Variants in EPS8L2 observed in about 807,000 individuals in gnomAD.
EPS8L2 encodes the protein epidermal growth factor receptor kinase substrate 8-like protein 2.
In EPS8L2, 81 loss-of-function variants were observed where a neutral mutation model predicts 99.4. The ratio of observed to expected loss-of-function variants is 0.82; its 90% CI spans 0.68 to 0.98. The LOEUF (loss-of-function observed/expected upper bound fraction) is 0.98, where lower values mean the gene tolerates loss of function less well. EPS8L2 is among the 50% of genes least tolerant of loss of function. The probability of loss-of-function intolerance (pLI) is 0.00; values close to 1 mark genes in which losing one functional copy is unlikely to be tolerated. For missense variants in EPS8L2, 1,155 were observed against 968.8 expected (o/e 1.19, Z -2.55); for synonymous variants, 509 against 407.3 (o/e 1.25, Z -3.01).
chr11:721,079 G>T lies in EPS8L2; in HGVS notation c.573G>T (p.Lys191Asn). The change falls in exon 8 of 21, where the codon AAG becomes AAT. Residue 191 changes from lysine to asparagine, a missense_variant. Lys to Asn is a moderately conservative substitution (Grantham distance 94, BLOSUM62 0). Transcript: ENST00000318562. ...CGCCCTCCAGGGGACACCAGGAGAA[G>T]ATTCGGCAGCGGCAGTCCATCCTGC... ...RPQTLKGHQEKIRQRQSILPP... is the reference protein window; with the variant it reads ...RPQTLKGHQENIRQRQSILPP... The T allele has an allele frequency of 1.3e-6, 2 of 1,504,878 alleles. No individual in the cohort carries two copies. The highest frequency in any genetic ancestry group is 1.8e-6 in the Non-Finnish European group (2 of 1,127,904). The allele number at this position is 1,504,878 out of a possible 1,614,324, so 93.2% of individuals were successfully genotyped here. A position where few individuals can be genotyped will look rare whatever the true frequency, so the allele number is the denominator to read the frequency against.
rs369545783 is a variant in EPS8L2 at position 721,907 on chromosome 11, C to T, written c.900C>T (p.Gly300=). 43 of 1,586,342 alleles carry T rather than the reference C, an allele frequency of 2.7e-5. No individual in the cohort carries two copies. The highest frequency in any genetic ancestry group is 3.5e-5 in the Non-Finnish European group (41 of 1,167,040). ...KKKGKKAPAE[G]VLTLRARPPS... The stretch of plus-strand genomic sequence containing the variant: ...ACGCGGTGCCTCCCATGCCAGAGGG[C>T]GTCCTCACACTGCGGGCACGGCCCC... Residue 300 remains glycine, a synonymous_variant, in exon 11 of 21, where the codon GGC becomes GGT. Transcript: ENST00000318562.
rs1340734336 is a variant in EPS8L2 at position 724,769 on chromosome 11, G to A, written c.1500G>A (p.Leu500=). 1.9e-6 allele frequency: 3 copies of A among 1,613,528 alleles called. No homozygotes were observed. Among genetic ancestry groups the A allele is most frequent in the African/African-American group, 2.7e-5 (2 of 74,940 alleles). The change falls in exon 16 of 21, where the codon CTG becomes CTA. Residue 500 remains leucine, a synonymous_variant. Coordinates refer to ENST00000318562, the MANE Select transcript of EPS8L2 (RefSeq NM_022772.4). This position sits in a 1 kb window ranked among gnomAD's most constrained non-coding sequence, Gnocchi z 5.5. The stretch of plus-strand genomic sequence containing the variant: ...CCATGGCCAAGTACGTCAAGATCCT[G>A]TATGACTTCACAGCCCGAAATGCCA... ...TPAMAKYVKI[L]YDFTARNANE...
chr11:713,866 C>T (rs1861949573), intron 4 of EPS8L2, among the ~76,000 whole-genome samples: 1 of 151,590 alleles, frequency 6.6e-6, no homozygotes, highest in Non-Finnish European at 1.5e-5. Flanking sequence ...ATTTTTAGTA[C>T]AGATGGGGTT....
chr11:717,697 A>G (rs1279970764), intron 4 of EPS8L2, among the ~76,000 whole-genome samples: 2 of 151,928 alleles, frequency 1.3e-5, no homozygotes, highest in Admixed American at 6.6e-5. Flanking sequence ...TGGGCAACAT[A>G]GCAAGCCCTT....
chr11:724,695 TG>T lies in EPS8L2; in HGVS notation c.1455-26del. 6.5e-7 allele frequency: 1 copy of T among 1,545,604 alleles called. No individual in the cohort carries two copies. Among genetic ancestry groups the T allele is most frequent in the Non-Finnish European group, 8.9e-7 (1 of 1,118,902 alleles). ...GTCTCAGAGGAGACCCCCACCAGAC[TG>T]GGCCTCAGCCCCTCCTGTTCCTCAC... is the stretch of plus-strand genomic sequence containing the variant. On this transcript the variant is annotated intron_variant, in intron 15 of 20. Coordinates refer to ENST00000318562, the MANE Select transcript of EPS8L2 (RefSeq NM_022772.4). This position sits in a 1 kb window ranked among gnomAD's most constrained non-coding sequence, Gnocchi z 5.5.
intron 4 of EPS8L2, among the ~76,000 whole-genome samples, chr11:714,086 T>C (rs1861955684): frequency 6.6e-6 from 1 of 152,202 alleles, no homozygotes; most frequent in Non-Finnish European, 1.5e-5. Context: ...CATTCGTATG[T>C]GTTTTTCTTT....
At chr11:722,027 G>C (rs757601633) in intron 11 of EPS8L2, 36 bp downstream of exon 11, 3 of 1,607,002 alleles carry the variant, frequency 1.9e-6, no homozygotes, top group Non-Finnish European at 1.7e-6. Flanking sequence ...CCCACTGTCT[G>C]TGCTGAGGGG....
intron 15 of EPS8L2, among the ~76,000 whole-genome samples, chr11:723,891 C>G (rs552044502): frequency 6.6e-6 from 1 of 152,320 alleles, no homozygotes. Context: ...TGGGAAGCCC[C>G]TGACCCTCCC....
rs1003802107 is a variant in EPS8L2, at chr11:720,346, C to T, written c.327+123C>T. 6 of 1,192,836 alleles carry T rather than the reference C, an allele frequency of 5.0e-6. No homozygotes were observed. The Admixed American group carries it at 1.0e-4, about 20-fold the overall frequency. The allele number at this position is 1,192,836 out of a possible 1,614,324, so 73.9% of individuals were successfully genotyped here. On this transcript the variant is annotated intron_variant, in intron 5 of 20. Transcript: ENST00000318562. ...GCCGGCCATGCCCTATCATTCTGGT[C>T]CCTGGAAGAGGATGGGACAAGGGTG...
At chr11:713,541 C>G (rs141569066) in intron 4 of EPS8L2, among the ~76,000 whole-genome samples, 38 of 152,246 alleles carry the variant, frequency 2.5e-4, no homozygotes, top group Non-Finnish European at 4.6e-4. Context: ...GCCACCACGC[C>G]TGGCTAAATT....
chr11:710,522 GGAGC>G (rs1564969493), intron 4 of EPS8L2, 36 bp downstream of exon 4: 2 of 1,584,052 alleles, frequency 1.3e-6, no homozygotes, highest in South Asian at 2.2e-5. Flanking sequence ...CCGCCCCCAG[GGAGC>G]ACCCTCAGGA....
intron 14 of EPS8L2, 137 bp downstream of exon 14, chr11:722,942 C>T: frequency 1.9e-6 from 1 of 532,356 alleles, no homozygotes; most frequent in Non-Finnish European, 3.3e-6. Context: ...CCAGTGCTCC[C>T]CTCCCCAGCC....
rs574552237 is a variant in EPS8L2, at chr11:724,665, C to T, written c.1455-59C>T. ...GGAAGCTGCTGCCCCCCAGCCACTG[C>T]CCAGGTCTCAGAGGAGACCCCCACC... On this transcript the variant is annotated intron_variant, in intron 15 of 20. Transcript: ENST00000318562. This position sits in a 1 kb window ranked among gnomAD's most constrained non-coding sequence, Gnocchi z 5.5. The T allele has an allele frequency of 2.0e-5, 25 of 1,244,128 alleles. No individual in the cohort carries two copies. In the Admixed American group the frequency reaches 3.9e-4, roughly 19 times the overall value. 77.1% of individuals were successfully genotyped at this position (1,244,128 alleles called of 1,614,324 possible).
intron 4 of EPS8L2, 52 bp downstream of exon 4, chr11:710,538 A>C: frequency 1.3e-6 from 2 of 1,499,774 alleles, no homozygotes; most frequent in Non-Finnish European, 1.9e-6. Flanking sequence ...CCCTCAGGAC[A>C]TGGCTGTCCT....
chr11:726,994 T>TG lies in EPS8L2; in HGVS notation c.*16dup. 1 of 1,599,546 alleles carries TG rather than the reference T, an allele frequency of 6.3e-7. No individual in the cohort carries two copies. The highest frequency in any genetic ancestry group is 8.6e-7 in the Non-Finnish European group (1 of 1,168,400). On this transcript the variant is annotated 3_prime_UTR_variant, in exon 21 of 21. Coordinates refer to ENST00000318562, the MANE Select transcript of EPS8L2 (RefSeq NM_022772.4). ...GGAGGACAGCTAGGCCCAGCTGCCT[T>TG]GGGCTGGGGCCTGCGGAGGGGAAGC...
In EPS8L2 at chr11:726,506, G is replaced by A. The variant is rs112974621; in HGVS notation, c.1934+22G>A. On this transcript the variant is annotated intron_variant, in intron 19 of 20. Coordinates refer to ENST00000318562, the MANE Select transcript of EPS8L2 (RefSeq NM_022772.4). ...CGCGGTGAGCGGGGGCGGGGGATGA[G>A]CTGGGGCCCGGGCGAGGGGTGGGAG... is the stretch of plus-strand genomic sequence containing the variant. 8,961 of 1,533,902 alleles carry A rather than the reference G, an allele frequency of 5.8e-3. 94 individuals are homozygous for A. The highest frequency in any genetic ancestry group is 0.037 in the African/African-American group (2,682 of 72,212).
At chr11:720,993 G>GAGGAGCCCGGCAGGGAGGGA in intron 7 of EPS8L2, 71 bp from the exon 8 acceptor site, 1 of 1,445,302 alleles carries the variant, frequency 6.9e-7, no homozygotes, top group Non-Finnish European at 9.3e-7. Flanking sequence ...CAGGGGAGGG[G>GAGGAGCCCGGCAGGGAGGGA]AGGAGCCCGG....
Position 720,056 on chromosome 11 carries a change from C to A in EPS8L2, c.166-6C>A. The A allele has an allele frequency of 6.2e-7, 1 of 1,610,202 alleles. No homozygotes were observed. The highest frequency in any genetic ancestry group is 1.1e-5 in the South Asian group (1 of 90,652). On this transcript the variant is annotated splice_region_variant and splice_polypyrimidine_tract_variant and intron_variant, in intron 4 of 20. Coordinates refer to ENST00000318562, the MANE Select transcript of EPS8L2 (RefSeq NM_022772.4). ...TGCCCAGCAGTGACCACCTGCCCAC[C>A]CCCAGCACCTGGCCACATTCATCAT...
chr11:709,086 T>C, intron 1 of EPS8L2: 1 of 447,434 alleles, frequency 2.2e-6, no homozygotes. Context: ...TGTCAGAGCC[T>C]CCCAGTCAGC....
Sources: allele counts gnomAD v4.1 joint callset (sites outside exome capture counted in the v4.1 genomes callset), GRCh38; gene constraint gnomAD v4.1.1; non-coding constraint Gnocchi (gnomAD v3.1); transcripts MANE v1.5; gene names NCBI Gene and HGNC (gene_info 2026-07-23, HGNC 2026-07-21).